The following AIMP1 variants were observed in gnomAD, a reference collection of about 807,000 sequenced individuals.
AIMP1 encodes aminoacyl tRNA synthase complex-interacting multifunctional protein 1.
In AIMP1, 24 loss-of-function variants were observed where a neutral mutation model predicts 33.1. The observed-to-expected ratio is 0.73, with a 90% CI of 0.53 to 1.02. AIMP1 has a LOEUF of 1.02. AIMP1 is among the 50% of genes least tolerant of loss of function. The pLI is 0.00. For missense variants in AIMP1, 367 were observed against 364.8 expected (o/e 1.01, Z -0.05); for synonymous variants, 120 against 121.5 (o/e 0.99, Z 0.08).
chr4:106,321,809 G>C (rs1022447753), intron 1 of AIMP1, among the ~76,000 whole-genome samples: 6 of 152,068 alleles, frequency 3.9e-5, no homozygotes, highest in Non-Finnish European at 5.9e-5. Flanking sequence ...GTGTCTGTGT[G>C]GAAAGAAGTA....
upstream of AIMP1, chr4:106,315,865 T>G (rs553505845): frequency 1.8e-3 from 275 of 152,880 alleles, 2 homozygotes; most frequent in Non-Finnish European, 2.8e-3. Context: ...CTGCTCCTGA[T>G]AGTCCTCTAC....
upstream of AIMP1, chr4:106,315,795 T>C (rs1189034301): frequency 1.3e-5 from 2 of 152,238 alleles, no homozygotes; most frequent in African/African-American, 4.8e-5. Flanking sequence ...ACAGTACCTA[T>C]CAGCAAGCGG....
At chr4:106,344,214 G>A (rs1374355991) in intron 6 of AIMP1, among the ~76,000 whole-genome samples, 1 of 151,918 alleles carries the variant, frequency 6.6e-6, no homozygotes, top group Non-Finnish European at 1.5e-5. Context: ...CTTGGATTTG[G>A]ACCTCTTTTT....
intron 1 of AIMP1, 40 bp from the exon 2 acceptor site, chr4:106,324,945 C>T: frequency 6.6e-7 from 1 of 1,518,548 alleles, no homozygotes; most frequent in Non-Finnish European, 8.9e-7. Flanking sequence ...TAAATTTATT[C>T]CTTTCACAGT....
At chr4:106,338,607 C>T (rs993261345) in intron 6 of AIMP1, among the ~76,000 whole-genome samples, 1 of 152,176 alleles carries the variant, frequency 6.6e-6, no homozygotes, top group Non-Finnish European at 1.5e-5. Context: ...GATGTCCTGG[C>T]AGAAATTTGC....
At position 106,337,613 on chromosome 4, in the gene AIMP1, A is replaced by G. The variant is rs373765407; in HGVS notation, c.772+576A>G. On this transcript the variant is annotated intron_variant, in intron 6 of 6. Transcript: ENST00000672341. ...GTATATCTTTATTAGCAGCGTGAGAATAGACTAATACAGTAAATTGATACT... is the reference window on the plus strand; with the variant it reads ...GTATATCTTTATTAGCAGCGTGAGAGTAGACTAATACAGTAAATTGATACT... Among the ~76,000 whole-genome samples, 5 of 152,336 alleles carry G rather than the reference A, an allele frequency of 3.3e-5. No individual in the cohort carries two copies. In the South Asian group the frequency reaches 1.0e-3, roughly 32 times the overall value.
Position 106,347,792 on chromosome 4 carries a change from A to G in AIMP1, c.*100A>G, listed in dbSNP as rs3805410. 0.17 allele frequency: 224,656 copies of G among 1,299,660 alleles called. 20,600 individuals carry two copies. The highest frequency in any genetic ancestry group is 0.25 in the South Asian group (18,486 of 75,024). 80.5% of individuals were successfully genotyped at this position (1,299,660 alleles called of 1,614,324 possible). On this transcript the variant is annotated 3_prime_UTR_variant, in exon 7 of 7. Transcript: ENST00000672341. The stretch of plus-strand genomic sequence containing the variant: ...TAAAATATGAGTGGCTCATTTTTGC[A>G]TTACTCTCTTCTAGACTTGACTAGT...
intron 5 of AIMP1, 128 bp from the exon 6 acceptor site, chr4:106,336,739 CAA>C (rs1473336717): frequency 4.3e-6 from 4 of 924,586 alleles, no homozygotes; most frequent in African/African-American, 1.6e-5. Context: ...TTTGGGCACA[CAA>C]AGACAAAGGT....
At chr4:106,326,690 T>C (rs1769463627) in intron 2 of AIMP1, among the ~76,000 whole-genome samples, 1 of 152,096 alleles carries the variant, frequency 6.6e-6, no homozygotes, top group East Asian at 1.9e-4. Flanking sequence ...TGTGGTAACA[T>C]CTCAGAATTT....
In AIMP1 at chr4:106,347,507, CT is replaced by C; in HGVS notation, c.773-12del. On this transcript the variant is annotated intron_variant, in intron 6 of 6. Transcript: ENST00000672341. ...ATATTAGCTGTGTAATTTTCTTGTGCTTTTTTTCTCCTACACAGGAGAGCCT... is the reference window on the plus strand; with the variant it reads ...ATATTAGCTGTGTAATTTTCTTGTGCTTTTTTCTCCTACACAGGAGAGCCT... 6.2e-7 allele frequency: 1 copy of C among 1,603,194 alleles called. No homozygotes were observed. Among genetic ancestry groups the C allele is most frequent in the South Asian group, 1.1e-5 (1 of 89,006 alleles).
At chr4:106,321,700 C>G (rs1453295489) in intron 1 of AIMP1, among the ~76,000 whole-genome samples, 2 of 152,210 alleles carry the variant, frequency 1.3e-5, no homozygotes, top group African/African-American at 4.8e-5. Flanking sequence ...GGAGGTGTAC[C>G]CAACAGCTCA....
intron 6 of AIMP1, among the ~76,000 whole-genome samples, chr4:106,341,930 A>C (rs1202051204): frequency 6.6e-6 from 1 of 152,144 alleles, no homozygotes; most frequent in East Asian, 1.9e-4. Context: ...ATGAGTGTAC[A>C]ATGTTTTTCC....
intron 6 of AIMP1, among the ~76,000 whole-genome samples, chr4:106,345,495 A>G (rs1164889972): frequency 2.0e-5 from 3 of 152,172 alleles, no homozygotes; most frequent in Non-Finnish European, 2.9e-5. Flanking sequence ...ATATAATTGA[A>G]CTTTATTTAT....
chr4:106,328,234 GA>G lies in AIMP1; in HGVS notation c.386del (p.Lys129ArgfsTer13). On this transcript the variant is annotated frameshift_variant, in exon 4 of 7. Transcript: ENST00000672341. LOFTEE classifies it high-confidence loss of function. ...CGAAAAGAAAGCGAAAGAGAAAATTGAAAAGAAAGGTATTTTTGACCTTTAA... is the reference window on the plus strand; with the variant it reads ...CGAAAAGAAAGCGAAAGAGAAAATTGAAAGAAAGGTATTTTTGACCTTTAA... ...GDEKKAKEKI[E>X]KKGEKKEKKQ... The G allele has an allele frequency of 6.2e-7, 1 of 1,607,222 alleles. No individual in the cohort carries two copies. The highest frequency in any genetic ancestry group is 8.5e-7 in the Non-Finnish European group (1 of 1,175,978).
chr4:106,327,403 C>CA (rs765346571), intron 2 of AIMP1, 48 bp from the exon 3 acceptor site: 3 of 1,392,274 alleles, frequency 2.2e-6, no homozygotes, highest in Non-Finnish European at 3.0e-6. Flanking sequence ...AGTATTCATA[C>CA]AAAACCTCTT....
intron 6 of AIMP1, among the ~76,000 whole-genome samples, chr4:106,341,916 A>G (rs1770113192): frequency 6.6e-6 from 1 of 152,124 alleles, no homozygotes; most frequent in Non-Finnish European, 1.5e-5. Context: ...GATTTTTCCA[A>G]TCCATGAGTG....
intron 2 of AIMP1, among the ~76,000 whole-genome samples, chr4:106,326,064 A>G (rs574243502): frequency 4.6e-5 from 7 of 152,130 alleles, no homozygotes; most frequent in Non-Finnish European, 7.4e-5. Context: ...GCCTTTGTGT[A>G]GGTGTCTCAG....
rs191125992 is a variant in AIMP1, at chr4:106,323,461, A to C, written c.-25-1524A>C. Among the ~76,000 whole-genome samples the C allele has an allele frequency of 4.5e-4, 68 of 152,242 alleles. No individual in the cohort carries two copies. The East Asian group carries it at 6.8e-3, about 15-fold the overall frequency. ...AAAAATACAGACCAAAAGAGCACAA[A>C]AATTCAAATGAAGATACCACCTTTA... is the stretch of plus-strand genomic sequence containing the variant. On this transcript the variant is annotated intron_variant, in intron 1 of 6. Coordinates refer to ENST00000672341, the MANE Select transcript of AIMP1 (RefSeq NM_001142416.2).
chr4:106,343,312 A>G (rs1770170764), intron 6 of AIMP1, among the ~76,000 whole-genome samples: 4 of 152,158 alleles, frequency 2.6e-5, no homozygotes, highest in Admixed American at 2.6e-4. Context: ...AATTTTATTG[A>G]ATAGCAAGGC....
Sources: gnomAD v4.1 joint callset for allele counts (sites outside exome capture counted in the v4.1 genomes callset) on GRCh38, gnomAD v4.1.1 for gene constraint, MANE v1.5 for transcripts, NCBI Gene and HGNC (gene_info 2026-07-23, HGNC 2026-07-21) for gene names.